C1QTNF3: variants seen among roughly 807,000 people sequenced by gnomAD.
C1QTNF3 encodes the protein complement C1q tumor necrosis factor-related protein 3.
In C1QTNF3, 26 loss-of-function variants were observed where a neutral mutation model predicts 32.6. That is an observed-to-expected ratio of 0.80 (90% CI 0.58 to 1.11). C1QTNF3 has a LOEUF of 1.11. Among genes scored for constraint, C1QTNF3 ranks in the 50% least tolerant of loss-of-function variants. The probability of loss-of-function intolerance (pLI) is 0.00; values close to 1 mark genes in which losing one functional copy is unlikely to be tolerated. For synonymous variants in C1QTNF3, 155 were observed against 146.0 expected (o/e 1.06, Z -0.44); for missense variants, 362 against 398.2 (o/e 0.91, Z 0.77).
chr5:34,118,371 G>A, the C1QTNF3 span, among the ~76,000 whole-genome samples: 2 of 152,144 alleles, frequency 1.3e-5, no homozygotes, highest in South Asian at 4.1e-4. Context: ...GAGCCACCAT[G>A]TCCGGCCTAT....
the C1QTNF3 span, among the ~76,000 whole-genome samples, chr5:34,084,232 G>T: frequency 6.6e-6 from 1 of 151,756 alleles, no homozygotes; most frequent in Non-Finnish European, 1.5e-5. Context: ...TATTTGTGAA[G>T]GTGGCTATTT....
chr5:34,064,619 C>A, the C1QTNF3 span, among the ~76,000 whole-genome samples: 79,026 of 152,048 alleles, frequency 0.52, 22,653 homozygotes, highest in Non-Finnish European at 0.63. Context: ...AGGAGTGCAG[C>A]GGACACACTG....
At chr5:34,055,009 A>T in the C1QTNF3 span, among the ~76,000 whole-genome samples, 6 of 152,248 alleles carry the variant, frequency 3.9e-5, no homozygotes, top group African/African-American at 1.4e-4. Flanking sequence ...CAAGGTGCTC[A>T]CAGAATTGAC....
At chr5:34,156,964 G>T in the C1QTNF3 span, among the ~76,000 whole-genome samples, 5 of 152,174 alleles carry the variant, frequency 3.3e-5, no homozygotes, top group Non-Finnish European at 7.4e-5. Context: ...GTGAAATTAT[G>T]TTACAGTTGT....
chr5:34,070,223 T>C, the C1QTNF3 span, among the ~76,000 whole-genome samples: 3 of 152,162 alleles, frequency 2.0e-5, no homozygotes, highest in Non-Finnish European at 4.4e-5. Flanking sequence ...GAAAAAGACA[T>C]GAGCACCAGA....
the C1QTNF3 span, among the ~76,000 whole-genome samples, chr5:34,170,755 A>G: frequency 6.6e-6 from 1 of 152,166 alleles, no homozygotes; most frequent in Admixed American, 6.6e-5. Context: ...AATTCAGTAC[A>G]CAAGAATTGA....
At chr5:34,045,294 C>T (rs1754969141), upstream of C1QTNF3, among the ~76,000 whole-genome samples, 1 of 152,166 alleles carries the variant, frequency 6.6e-6, no homozygotes, top group Non-Finnish European at 1.5e-5. Context: ...GTTCTCAACC[C>T]TGGCTGCATA....
the C1QTNF3 span, among the ~76,000 whole-genome samples, chr5:34,082,364 T>C: frequency 1.3e-5 from 2 of 151,464 alleles, no homozygotes; most frequent in Non-Finnish European, 2.9e-5. Flanking sequence ...ACCATTTAAA[T>C]AATTCTATTA....
At chr5:34,201,623 T>A in the C1QTNF3 span, among the ~76,000 whole-genome samples, 6 of 152,232 alleles carry the variant, frequency 3.9e-5, no homozygotes, top group East Asian at 7.7e-4. Context: ...TGCGCAAAAA[T>A]TGTGTATTTC....
chr5:34,197,339 A>G, the C1QTNF3 span, among the ~76,000 whole-genome samples: 1 of 152,278 alleles, frequency 6.6e-6, no homozygotes, highest in African/African-American at 2.4e-5. Flanking sequence ...CAGAGATGGC[A>G]TGGTAAAGTA....
At chr5:34,077,134 C>G in the C1QTNF3 span, among the ~76,000 whole-genome samples, 1 of 151,688 alleles carries the variant, frequency 6.6e-6, no homozygotes, top group Non-Finnish European at 1.5e-5. Context: ...ACTATTGTAA[C>G]AGTGACTAAC....
the C1QTNF3 span, among the ~76,000 whole-genome samples, chr5:34,231,656 T>C: frequency 2.9e-4 from 44 of 152,310 alleles, no homozygotes; most frequent in Admixed American, 2.9e-3. Context: ...GGCTTCCACA[T>C]GAGGCTGGGC....
the C1QTNF3 span, among the ~76,000 whole-genome samples, chr5:34,198,087 AGCCAGGTGTGGTG>A: frequency 8.1e-6 from 1 of 123,484 alleles, no homozygotes; most frequent in Non-Finnish European, 1.6e-5. Flanking sequence ...TACAAAAATT[AGCCAGGTGTGGTG>A]GTGCATACCT....
the C1QTNF3 span, among the ~76,000 whole-genome samples, chr5:34,195,706 T>C: frequency 6.6e-6 from 1 of 151,516 alleles, no homozygotes; most frequent in Non-Finnish European, 1.5e-5. Context: ...CCGGGCGCAG[T>C]GGCGGGCGCC....
At chr5:34,160,061 A>G in the C1QTNF3 span, among the ~76,000 whole-genome samples, 10 of 152,230 alleles carry the variant, frequency 6.6e-5, no homozygotes, top group Non-Finnish European at 1.2e-4. Context: ...ATGCAGATAT[A>G]GGGTATAGAG....
the C1QTNF3 span, among the ~76,000 whole-genome samples, chr5:34,104,751 G>A: frequency 7.1e-6 from 1 of 140,608 alleles, no homozygotes; most frequent in Admixed American, 7.3e-5. Context: ...TTGCCAGGCT[G>A]GTCTCAAACT....
At chr5:34,160,642 G>C in the C1QTNF3 span, among the ~76,000 whole-genome samples, 1 of 152,194 alleles carries the variant, frequency 6.6e-6, no homozygotes, top group East Asian at 1.9e-4. Flanking sequence ...CTTACTAAAT[G>C]TGTGACCTTG....
chr5:34,083,741 C>T, the C1QTNF3 span, among the ~76,000 whole-genome samples: 1 of 151,766 alleles, frequency 6.6e-6, no homozygotes, highest in Non-Finnish European at 1.5e-5. Flanking sequence ...ATTAGGACAA[C>T]AAACCTCTTC....
chr5:34,056,446 G>GTA, the C1QTNF3 span, among the ~76,000 whole-genome samples: 3 of 38,530 alleles, frequency 7.8e-5, no homozygotes, highest in African/African-American at 1.8e-4. Context: ...GTGTGTGTGT[G>GTA]TGTGTGTGTA....
Sources: gnomAD v4.1 joint callset for allele counts (sites outside exome capture counted in the v4.1 genomes callset) on GRCh38, gnomAD v4.1.1 for gene constraint, MANE v1.5 for transcripts, NCBI Gene and HGNC (gene_info 2026-07-23, HGNC 2026-07-21) for gene names.